Variants in ABCC1 observed in about 807,000 individuals in gnomAD.
ABCC1 encodes the protein multidrug resistance-associated protein 1.
Under a neutral mutation model 172.9 loss-of-function variants are expected in ABCC1, and 83 were observed. The observed-to-expected ratio is 0.48, with a 90% CI of 0.40 to 0.58. The LOEUF is 0.58. Ranked by LOEUF, ABCC1 falls within the 20% of genes least tolerant of loss-of-function variation. The pLI is 0.00. For synonymous variants in ABCC1, 937 were observed against 825.2 expected (o/e 1.14, Z -2.32); for missense variants, 1,817 against 2,002.7 (o/e 0.91, Z 1.77).
chr16:15,979,233 G>C (rs2046562338), intron 1 of ABCC1, among the ~76,000 whole-genome samples: 1 of 152,056 alleles, frequency 6.6e-6, no homozygotes, highest in South Asian at 2.1e-4. Flanking sequence ...GGAGGTTGCA[G>C]TGAGCTGAGA....
chr16:16,055,558 A>G (rs2049613622), intron 11 of ABCC1, among the ~76,000 whole-genome samples: 1 of 151,752 alleles, frequency 6.6e-6, no homozygotes, highest in Admixed American at 6.6e-5. Context: ...ACAAAAAAAA[A>G]AAGAAAAAAT....
intron 20 of ABCC1, among the ~76,000 whole-genome samples, chr16:16,104,224 G>A (rs182847720): frequency 5.9e-5 from 9 of 152,174 alleles, no homozygotes; most frequent in Admixed American, 2.6e-4. Flanking sequence ...GGGTACCCCA[G>A]TAGGTGGCCA....
intron 7 of ABCC1, among the ~76,000 whole-genome samples, chr16:16,036,893 C>T (rs1248092772): frequency 2.6e-5 from 4 of 152,110 alleles, no homozygotes; most frequent in African/African-American, 4.8e-5. Flanking sequence ...ATCACTTGGT[C>T]GGGAGTTTGA....
chr16:16,124,399 GT>G (rs2045336464), intron 24 of ABCC1, among the ~76,000 whole-genome samples: 2 of 138,118 alleles, frequency 1.4e-5, no homozygotes, highest in East Asian at 2.1e-4. Context: ...GTGTGTGTGT[GT>G]GTGTGTGTGT....
intron 13 of ABCC1, among the ~76,000 whole-genome samples, chr16:16,069,301 G>C (rs935723346): frequency 6.6e-6 from 1 of 152,046 alleles, no homozygotes; most frequent in Admixed American, 6.6e-5. Flanking sequence ...CTGAGCTTGG[G>C]AAGTTGAGGC....
At chr16:16,017,256 G>A (rs1284597303) in intron 5 of ABCC1, among the ~76,000 whole-genome samples, 2 of 151,940 alleles carry the variant, frequency 1.3e-5, no homozygotes, top group Non-Finnish European at 2.9e-5. Flanking sequence ...TTTGAGACAG[G>A]GTTTTGCTCT....
At chr16:15,980,264 A>C (rs1193017742) in intron 1 of ABCC1, among the ~76,000 whole-genome samples, 1 of 152,134 alleles carries the variant, frequency 6.6e-6, no homozygotes, top group Non-Finnish European at 1.5e-5. Flanking sequence ...CAGCACTTTG[A>C]GAGGCCAAGG....
At chr16:16,104,156 T>C (rs45466398) in intron 20 of ABCC1, among the ~76,000 whole-genome samples, 1 of 151,786 alleles carries the variant, frequency 6.6e-6, no homozygotes, top group East Asian at 2.0e-4. Flanking sequence ...ACCCAAACAC[T>C]GAGCAGCAGA....
At chr16:16,092,654 ACT>A (rs2051302848) in intron 19 of ABCC1, among the ~76,000 whole-genome samples, 2 of 151,710 alleles carry the variant, frequency 1.3e-5, no homozygotes, top group South Asian at 4.2e-4. Context: ...CCACTTTCTG[ACT>A]CTTGTGAATA....
Position 16,125,417 on chromosome 16 carries a change from C to T in ABCC1, c.3718-393C>T, listed in dbSNP as rs75198868. 2.4e-3 allele frequency among the ~76,000 whole-genome samples: 372 copies of T among 152,052 alleles called. 3 individuals are homozygous for T. Among genetic ancestry groups the T allele is most frequent in the African/African-American group, 7.9e-3 (327 of 41,482 alleles). ...TACCTGAATGTTTCATAACTCATAA[C>T]CTTTTATTTTTATTTATTTATTTTT... On this transcript the variant is annotated intron_variant, in intron 25 of 30. Transcript: ENST00000399410.
intron 1 of ABCC1, among the ~76,000 whole-genome samples, chr16:15,964,632 C>A (rs2046206154): frequency 6.6e-6 from 1 of 150,682 alleles, no homozygotes; most frequent in South Asian, 2.1e-4. Flanking sequence ...ACATTTAAAT[C>A]AAAATGGATT....
intron 1 of ABCC1, 127 bp from the exon 2 acceptor site, chr16:16,007,689 G>C: frequency 1.2e-6 from 1 of 812,612 alleles, no homozygotes; most frequent in Admixed American, 3.4e-5. Flanking sequence ...CATCCTGAAA[G>C]GTCCTTGGAT....
At chr16:16,020,515 G>A (rs540434949) in intron 5 of ABCC1, among the ~76,000 whole-genome samples, 4 of 152,256 alleles carry the variant, frequency 2.6e-5, no homozygotes, top group East Asian at 3.9e-4. Flanking sequence ...AGCCACTCGC[G>A]TTCATCACAT....
chr16:16,100,591 G>C (rs1414479560), intron 19 of ABCC1, among the ~76,000 whole-genome samples: 13 of 152,172 alleles, frequency 8.5e-5, no homozygotes, highest in African/African-American at 2.2e-4. Context: ...TGTTTAGTTA[G>C]TTTAGACAAA....
chr16:16,014,487 T>C lies in ABCC1; in HGVS notation c.352-4T>C, dbSNP rs200034662. 1 of 1,613,738 alleles carries C rather than the reference T, an allele frequency of 6.2e-7. No individual in the cohort carries two copies. Among genetic ancestry groups the C allele is most frequent in the African/African-American group, 1.3e-5 (1 of 75,046 alleles). On this transcript the variant is annotated splice_polypyrimidine_tract_variant and splice_region_variant and intron_variant, in intron 3 of 30. Coordinates refer to ENST00000399410, the MANE Select transcript of ABCC1 (RefSeq NM_004996.4). ...CAACTCCTGTCTTGTGCTTCTCTCC[T>C]CAGCTGCTTGCTACCTTTTTAATTC...
intron 2 of ABCC1, among the ~76,000 whole-genome samples, chr16:16,008,206 A>C (rs979484329): frequency 1.1e-4 from 17 of 152,218 alleles, no homozygotes; most frequent in African/African-American, 4.1e-4. Context: ...GGCCTCGAGC[A>C]AATTTTTTAA....
intron 23 of ABCC1, among the ~76,000 whole-genome samples, chr16:16,120,943 A>G (rs1172843156): frequency 6.6e-6 from 1 of 152,172 alleles, no homozygotes; most frequent in Non-Finnish European, 1.5e-5. Context: ...AATGATAACA[A>G]TAGTCACCAG....
At chr16:16,088,283 A>G (rs961011332) in intron 18 of ABCC1, among the ~76,000 whole-genome samples, 1 of 152,050 alleles carries the variant, frequency 6.6e-6, no homozygotes, top group Non-Finnish European at 1.5e-5. Flanking sequence ...CATCTCTACT[A>G]AAAATACAAA....
intron 1 of ABCC1, among the ~76,000 whole-genome samples, chr16:15,967,237 T>C (rs566384326): frequency 6.6e-6 from 1 of 151,374 alleles, no homozygotes; most frequent in South Asian, 2.1e-4. Flanking sequence ...GCCAGGGAGG[T>C]GTATGCTGGG....
Sources: allele counts gnomAD v4.1 joint callset (sites outside exome capture counted in the v4.1 genomes callset), GRCh38; gene constraint gnomAD v4.1.1; transcripts MANE v1.5; gene names NCBI Gene and HGNC (gene_info 2026-07-23, HGNC 2026-07-21).